Variants in LMBRD2 observed in about 807,000 individuals in gnomAD.
The protein encoded by LMBRD2 is G protein-coupled receptor-associated protein LMBRD2.
LMBRD2 carries 55 observed loss-of-function variants against 94.4 expected under a neutral mutation model. That is an observed-to-expected ratio of 0.58 (90% confidence interval 0.47 to 0.73). The LOEUF (loss-of-function observed/expected upper bound fraction) is 0.73, where lower values mean the gene tolerates loss of function less well. Ranked by LOEUF, LMBRD2 falls within the 30% of genes least tolerant of loss-of-function variation. The pLI, the probability that LMBRD2 is intolerant of heterozygous loss-of-function variation, is 0.00. For missense variants in LMBRD2, 640 were observed against 831.9 expected, an observed-to-expected ratio of 0.77 and a Z score of 2.84; for synonymous variants, 246 against 272.4, an observed-to-expected ratio of 0.90 and a Z score of 0.95.
intron 6 of LMBRD2, among the ~76,000 whole-genome samples, chr5:36,129,531 G>A (rs1744084076): frequency 1.3e-5 from 2 of 151,694 alleles, no homozygotes; most frequent in Non-Finnish European, 2.9e-5. Context: ...CTTCAAACAT[G>A]AAAGAGAAAT....
At chr5:36,119,806 G>A (rs1226446133) in intron 9 of LMBRD2, among the ~76,000 whole-genome samples, 2 of 152,018 alleles carry the variant, frequency 1.3e-5, no homozygotes, top group African/African-American at 4.8e-5. Flanking sequence ...ATTTCATTGA[G>A]AAAACAGAAG....
rs752645427 is a variant in LMBRD2, at chr5:36,101,765, T to A, written c.*2281A>T. ...CTGAAACAACCAAATATTTTAAATA[T>A]AACTTGAAAGTCATAAAGGAATCTA... On this transcript the variant is annotated 3_prime_UTR_variant, in exon 18 of 18. Coordinates refer to ENST00000296603, the MANE Select transcript of LMBRD2 (RefSeq NM_001007527.2). The A allele has an allele frequency of 4.0e-5, 6 of 151,886 alleles. No homozygotes were observed. The highest frequency in any genetic ancestry group is 5.9e-5 in the Non-Finnish European group (4 of 67,846). 9.4% of individuals were successfully genotyped at this position (151,886 alleles called of 1,614,324 possible).
intron 15 of LMBRD2, 145 bp from the exon 16 acceptor site, chr5:36,108,784 T>C: frequency 2.4e-6 from 1 of 412,018 alleles, no homozygotes; most frequent in Non-Finnish European, 4.3e-6. Flanking sequence ...AAATCATAGG[T>C]CAATGTTTTT....
At chr5:36,141,308 A>T in intron 3 of LMBRD2, 106 bp from the exon 4 acceptor site, 1 of 620,624 alleles carries the variant, frequency 1.6e-6, no homozygotes. Context: ...ATTTTAAATT[A>T]CTGACTCTAA....
chr5:36,125,329 A>G (rs1581052803), intron 6 of LMBRD2, among the ~76,000 whole-genome samples: 1 of 152,216 alleles, frequency 6.6e-6, no homozygotes, highest in Non-Finnish European at 1.5e-5. Context: ...GGCATAGAGT[A>G]GAGCAGGGTT....
At chr5:36,119,412 A>T (rs941865933) in intron 9 of LMBRD2, among the ~76,000 whole-genome samples, 21 of 152,190 alleles carry the variant, frequency 1.4e-4, no homozygotes, top group African/African-American at 4.8e-4. Context: ...ATTCTATCAC[A>T]TTTTACCGTT....
Position 36,118,647 on chromosome 5 carries a change from G to T in LMBRD2, c.1121-731C>A, listed in dbSNP as rs184791378. On this transcript the variant is annotated intron_variant, in intron 9 of 17. Transcript: ENST00000296603. ...ATATGGGAATATTTTGTACTGTTTT[G>T]GTTTTTTGTTTTTTTTTTTTTGAGA... Among the ~76,000 whole-genome samples, 104 of 143,708 alleles carry T rather than the reference G, an allele frequency of 7.2e-4. 1 individual carries two copies. The South Asian group carries it at 0.016, about 23-fold the overall frequency. 94.3% of individuals were successfully genotyped at this position (143,708 alleles called of 152,430 possible).
intron 1 of LMBRD2, among the ~76,000 whole-genome samples, chr5:36,147,727 C>T (rs990020053): frequency 2.0e-5 from 3 of 152,180 alleles, no homozygotes; most frequent in African/African-American, 2.4e-5. Flanking sequence ...TTTTTCAGGC[C>T]AAATACCCTT....
chr5:36,136,730 A>C (rs1744280742), intron 5 of LMBRD2, among the ~76,000 whole-genome samples: 1 of 152,186 alleles, frequency 6.6e-6, no homozygotes, highest in Non-Finnish European at 1.5e-5. Flanking sequence ...AAGAAGTTTG[A>C]AAATGTTTCA....
rs762538387 is a variant in LMBRD2, at chr5:36,100,652, G to A, written c.*3394C>T. 5 of 152,024 alleles carry A rather than the reference G, an allele frequency of 3.3e-5. No homozygotes were observed. The highest frequency in any genetic ancestry group is 4.4e-5 in the Non-Finnish European group (3 of 67,964). 9.4% of individuals were successfully genotyped at this position (152,024 alleles called of 1,614,324 possible). The stretch of plus-strand genomic sequence containing the variant: ...CCATTACATTTGATGATTCAAGTAC[G>A]CTAAGATTTTTCAGGGACATATTTT... On this transcript the variant is annotated 3_prime_UTR_variant, in exon 18 of 18. Coordinates refer to ENST00000296603, the MANE Select transcript of LMBRD2 (RefSeq NM_001007527.2).
Position 36,105,162 on chromosome 5 carries a change from C to T in LMBRD2, c.1933G>A (p.Glu645Lys), listed in dbSNP as rs754566151. ...FKYTRANNRT[E>K]RDRIELLQDA... ...TGGAGAAGTTCTATCCGGTCCCTTT[C>T]AGTCCTGTTATTAGCCCTGGTATAT... The change falls in exon 17 of 18, where the codon GAA becomes AAA. Residue 645 changes from glutamate to lysine, a missense_variant. Physicochemically the swap from Glu to Lys is moderately conservative, Grantham distance 56. Around this residue, in one of 2 missense-constraint regions of LMBRD2, gnomAD observed 183 missense variants for 189.1 expected, o/e 0.97. Transcript: ENST00000296603. 13 of 1,612,624 alleles carry T rather than the reference C, an allele frequency of 8.1e-6. No individual in the cohort carries two copies. The Admixed American group carries it at 2.2e-4, about 27-fold the overall frequency.
intron 9 of LMBRD2, among the ~76,000 whole-genome samples, chr5:36,121,175 T>C (rs1402992183): frequency 2.0e-5 from 3 of 152,204 alleles, no homozygotes; most frequent in Non-Finnish European, 4.4e-5. Flanking sequence ...GGCAGGAATT[T>C]CTGTCTTTTT....
intron 17 of LMBRD2, among the ~76,000 whole-genome samples, chr5:36,104,572 G>A (rs983547191): frequency 2.6e-5 from 4 of 151,954 alleles, no homozygotes; most frequent in Admixed American, 2.0e-4. Flanking sequence ...TGCCTGACTT[G>A]CCATTTACAA....
In LMBRD2 at chr5:36,103,887, T is replaced by C; in HGVS notation, c.*159A>G. The C allele has an allele frequency of 1.8e-6, 1 of 555,616 alleles. No homozygotes were observed. Among genetic ancestry groups the C allele is most frequent in the Non-Finnish European group, 3.3e-6 (1 of 304,564 alleles). 34.4% of individuals were successfully genotyped at this position (555,616 alleles called of 1,614,324 possible). A position where few individuals can be genotyped will look rare whatever the true frequency, so the allele number is the denominator to read the frequency against. On this transcript the variant is annotated 3_prime_UTR_variant, in exon 18 of 18. Coordinates refer to ENST00000296603, the MANE Select transcript of LMBRD2 (RefSeq NM_001007527.2). ...AGGTGATACTCTATTCAATGCACAT[T>C]AAACTATTATTCCTAAGATATAATT...
chr5:36,112,999 C>T (rs892928679), intron 13 of LMBRD2, among the ~76,000 whole-genome samples: 3 of 152,078 alleles, frequency 2.0e-5, no homozygotes, highest in African/African-American at 7.2e-5. Flanking sequence ...ATCAGATTTG[C>T]TATCAGTTCA....
At chr5:36,135,406 G>A (rs1450171908) in intron 6 of LMBRD2, among the ~76,000 whole-genome samples, 1 of 152,168 alleles carries the variant, frequency 6.6e-6, no homozygotes. Flanking sequence ...AACGAAAGTT[G>A]AGTGTTAGGT....
chr5:36,115,405 C>T (rs1743716485), intron 11 of LMBRD2, among the ~76,000 whole-genome samples: 1 of 152,154 alleles, frequency 6.6e-6, no homozygotes, highest in Non-Finnish European at 1.5e-5. Flanking sequence ...TTTGTATCAT[C>T]TCCTACAACT....
chr5:36,143,093 G>C (rs2111911579), intron 2 of LMBRD2, 83 bp downstream of exon 2: 1 of 936,742 alleles, frequency 1.1e-6, no homozygotes, highest in Non-Finnish European at 1.6e-6. Flanking sequence ...TAACTTAGCT[G>C]TCTTAAGAAA....
At position 36,151,499 on chromosome 5, in the gene LMBRD2, G is replaced by C. The variant is rs571698290; in HGVS notation, c.-58+57C>G. On this transcript the variant is annotated intron_variant, in intron 1 of 17. Transcript: ENST00000296603. The surrounding 1 kb of genome is among the most constrained non-coding windows in gnomAD (Gnocchi z 4.7). ...GGCCGCCTTCTCCCCGACGGAGGAA[G>C]AAGCTTCCTGGCAAAAGGACGAACA... is the stretch of plus-strand genomic sequence containing the variant. 2 of 152,342 alleles carry C rather than the reference G, an allele frequency of 1.3e-5. No individual in the cohort carries two copies. The highest frequency in any genetic ancestry group is 4.8e-5 in the African/African-American group (2 of 41,446). 9.4% of individuals were successfully genotyped at this position (152,342 alleles called of 1,614,324 possible). A position where few individuals can be genotyped will look rare whatever the true frequency, so the allele number is the denominator to read the frequency against.
Sources: allele counts gnomAD v4.1 joint callset (sites outside exome capture counted in the v4.1 genomes callset), GRCh38; gene constraint gnomAD v4.1.1; regional missense constraint gnomAD v4.1.1; non-coding constraint Gnocchi (gnomAD v3.1); transcripts MANE v1.5; gene names NCBI Gene and HGNC (gene_info 2026-07-23, HGNC 2026-07-21).